The following CYLC2 variants were observed in gnomAD, a reference collection of about 807,000 sequenced individuals.
CYLC2 encodes the protein cylicin-2.
A neutral mutation model predicts 26.1 loss-of-function variants in CYLC2; 30 were observed. The observed-to-expected ratio is 1.15, with a 90% CI of 0.86 to 1.56. The LOEUF is 1.56. CYLC2 is among the 40% of genes most tolerant of loss of function. The probability of loss-of-function intolerance (pLI) is 0.00; values close to 1 mark genes in which losing one functional copy is unlikely to be tolerated. For synonymous variants in CYLC2, 158 were observed against 132.8 expected (o/e 1.19, Z -1.31); for missense variants, 498 against 394.4 (o/e 1.26, Z -2.23).
intron 6 of CYLC2, among the ~76,000 whole-genome samples, chr9:103,013,752 A>C (rs183471546): frequency 0.013 from 1,433 of 109,650 alleles, 37 homozygotes; most frequent in African/African-American, 0.049. Flanking sequence ...ATATTATATT[A>C]TATATAATTA....
rs138337835 is a variant in CYLC2, at chr9:103,005,521, C to G, written c.890C>G (p.Thr297Arg). ...DVKKESKKDATKDAKKVAKKD... is the reference protein window; with the variant it reads ...DVKKESKKDARKDAKKVAKKD... Reference sequence around the variant, plus strand: ...AAGAAAGAGTCTAAGAAGGACGCCACGAAAGATGCCAAGAAAGTTGCCAAG... The same window carrying G: ...AAGAAAGAGTCTAAGAAGGACGCCAGGAAAGATGCCAAGAAAGTTGCCAAG... The change falls in exon 5 of 8, where the codon ACG (threonine) becomes AGG (arginine). Residue 297 changes from threonine (T) to arginine (R), a missense_variant. By Grantham distance (71) the Thr-to-Arg change is moderately conservative. Coordinates refer to ENST00000374798, the MANE Select transcript of CYLC2 (RefSeq NM_001340.5). The G allele has an allele frequency of 2.5e-6, 4 of 1,611,534 alleles. No homozygotes were observed. Among genetic ancestry groups the G allele is most frequent in the South Asian group, 2.2e-5 (2 of 90,886 alleles).
intron 6 of CYLC2, among the ~76,000 whole-genome samples, chr9:103,013,688 A>T (rs1246557370): frequency 3.6e-4 from 41 of 112,436 alleles, no homozygotes; most frequent in Admixed American, 2.1e-3. Context: ...TATGATATAT[A>T]ATATATCCTG....
intron 5 of CYLC2, among the ~76,000 whole-genome samples, chr9:103,011,674 T>C (rs144559380): frequency 6.1e-4 from 93 of 152,186 alleles, no homozygotes; most frequent in African/African-American, 2.1e-3. Context: ...TGTGGGTTTA[T>C]ACAATAAAGT....
chr9:102,999,033 T>C (rs866981630), intron 1 of CYLC2, among the ~76,000 whole-genome samples: 1 of 151,842 alleles, frequency 6.6e-6, no homozygotes, highest in East Asian at 1.9e-4. Flanking sequence ...GACACTTGAG[T>C]TGCTTTTAGT....
At chr9:103,002,208 T>C (rs1467052388) in intron 2 of CYLC2, among the ~76,000 whole-genome samples, 9 of 152,058 alleles carry the variant, frequency 5.9e-5, no homozygotes, top group East Asian at 3.9e-4. Context: ...ATTGGCCTCA[T>C]TGGCAACTTA....
intron 1 of CYLC2, among the ~76,000 whole-genome samples, chr9:102,999,230 T>G (rs1829265339): frequency 6.6e-6 from 1 of 151,868 alleles, no homozygotes; most frequent in African/African-American, 2.4e-5. Context: ...TTAATTAATT[T>G]TCCTAAATTT....
chr9:103,012,866 A>G (rs1829422360), intron 6 of CYLC2, among the ~76,000 whole-genome samples: 1 of 151,472 alleles, frequency 6.6e-6, no homozygotes, highest in Admixed American at 6.6e-5. Context: ...AGGCAAAATC[A>G]AAGATTTTCA....
chr9:103,018,223 G>A (rs1331674568), intron 7 of CYLC2, 102 bp from the exon 8 acceptor site: 1 of 151,986 alleles, frequency 6.6e-6, no homozygotes, highest in Non-Finnish European at 1.5e-5. Context: ...TGAAATCCAT[G>A]TATTTTCAGA....
intron 5 of CYLC2, among the ~76,000 whole-genome samples, chr9:103,008,929 C>T (rs763497940): frequency 6.6e-6 from 1 of 152,134 alleles, no homozygotes; most frequent in East Asian, 1.9e-4. Flanking sequence ...TGATGCCACA[C>T]TTACCATCAA....
At chr9:103,007,105 A>G (rs1276340987) in intron 5 of CYLC2, among the ~76,000 whole-genome samples, 1 of 152,128 alleles carries the variant, frequency 6.6e-6, no homozygotes, top group Non-Finnish European at 1.5e-5. Flanking sequence ...CACTGTTCTT[A>G]TATTATCTCT....
chr9:103,013,107 A>C (rs2118261130), intron 6 of CYLC2, among the ~76,000 whole-genome samples: 1 of 133,164 alleles, frequency 7.5e-6, no homozygotes, highest in East Asian at 2.1e-4. Context: ...AAAAATATAT[A>C]TCATAAATAA....
intron 1 of CYLC2, among the ~76,000 whole-genome samples, chr9:102,999,821 T>C (rs1183128390): frequency 6.6e-6 from 1 of 151,928 alleles, no homozygotes; most frequent in African/African-American, 2.4e-5. Context: ...AACCAGATGA[T>C]CATGATGTAT....
In CYLC2 at chr9:103,010,983, A is replaced by T. The variant is rs139752979; in HGVS notation, c.*701-999A>T. The stretch of plus-strand genomic sequence containing the variant: ...TGAAGTCAAAGAAAAATGGAAGAAT[A>T]CTAGTGTATGCCTAAGAATATTGAT... On this transcript the variant is annotated intron_variant, in intron 5 of 7. Coordinates refer to ENST00000374798, the MANE Select transcript of CYLC2 (RefSeq NM_001340.5). 2.6e-5 allele frequency among the ~76,000 whole-genome samples: 4 copies of T among 152,210 alleles called. No individual in the cohort carries two copies. In the East Asian group the frequency reaches 7.7e-4, roughly 29 times the overall value.
intron 1 of CYLC2, among the ~76,000 whole-genome samples, chr9:102,999,612 A>T (rs1195793610): frequency 6.6e-6 from 1 of 151,272 alleles, no homozygotes; most frequent in African/African-American, 2.4e-5. Context: ...CATTATCTAG[A>T]TGTATTCTAT....
intron 2 of CYLC2, 87 bp from the exon 3 acceptor site, chr9:103,003,055 A>G: frequency 1.4e-6 from 2 of 1,434,238 alleles, no homozygotes; most frequent in South Asian, 1.4e-5. Context: ...TTATTCATTT[A>G]CATGATATAC....
At chr9:103,002,081 AT>A (rs1432133973) in intron 2 of CYLC2, among the ~76,000 whole-genome samples, 8 of 152,006 alleles carry the variant, frequency 5.3e-5, no homozygotes, top group South Asian at 2.1e-4. Flanking sequence ...CCTAAATATA[AT>A]TTTTTTCTGT....
At chr9:103,002,358 T>C (rs928717688) in intron 2 of CYLC2, among the ~76,000 whole-genome samples, 608 of 3,376 alleles carry the variant, frequency 0.18, 6 homozygotes, top group South Asian at 0.39. Flanking sequence ...ATTTGCCCCC[T>C]TTTTTTTTTT....
In CYLC2 at chr9:103,005,148, G is replaced by C. The variant is rs760480940; in HGVS notation, c.517G>C (p.Asp173His). The change falls in exon 5 of 8, where the codon GAC becomes CAC. Residue 173 changes from aspartate to histidine, a missense_variant. Coordinates refer to ENST00000374798, the MANE Select transcript of CYLC2 (RefSeq NM_001340.5). ...KGKKDAEKGK[D>H]SATESEDEKG... The stretch of plus-strand genomic sequence containing the variant: ...TAAAAAGGATGCAGAGAAGGGCAAA[G>C]ACTCAGCAACAGAATCTGAAGATGA... The C allele has an allele frequency of 2.5e-6, 4 of 1,606,822 alleles. No individual in the cohort carries two copies. The highest frequency in any genetic ancestry group is 3.4e-6 in the Non-Finnish European group (4 of 1,177,992).
At chr9:103,015,310 T>G (rs1829488306) in intron 6 of CYLC2, among the ~76,000 whole-genome samples, 1 of 128,560 alleles carries the variant, frequency 7.8e-6, no homozygotes, top group Non-Finnish European at 1.6e-5. Context: ...TTATAATATA[T>G]ATTATATATA....
Sources: allele counts gnomAD v4.1 joint callset (sites outside exome capture counted in the v4.1 genomes callset), GRCh38; gene constraint gnomAD v4.1.1; transcripts MANE v1.5; gene names NCBI Gene and HGNC (gene_info 2026-07-23, HGNC 2026-07-21).